The following GPHN variants were observed in gnomAD, a reference collection of about 807,000 sequenced individuals.
The protein encoded by GPHN is gephyrin.
In GPHN, 17 loss-of-function variants were observed where a neutral mutation model predicts 95.5. The observed-to-expected ratio is 0.18, with a 90% CI of 0.12 to 0.27. The LOEUF is 0.27. GPHN is among the 10% of genes least tolerant of loss of function. The probability of loss-of-function intolerance (pLI) is 1.00; values close to 1 mark genes in which losing one functional copy is unlikely to be tolerated. For synonymous variants in GPHN, 320 were observed against 322.5 expected (o/e 0.99, Z 0.08); for missense variants, 660 against 978.1 (o/e 0.67, Z 4.34).
chr14:67,220,904 G>A, the GPHN span, among the ~76,000 whole-genome samples: 1 of 152,142 alleles, frequency 6.6e-6, no homozygotes, highest in African/African-American at 2.4e-5. Context: ...CCCTTAAAAT[G>A]GACCACAATT....
Position 66,824,571 on chromosome 14 carries a change from G to GA in GPHN, c.294+6dup. On this transcript the variant is annotated splice_donor_region_variant and intron_variant, in intron 4 of 22. Coordinates refer to ENST00000478722, the MANE Select transcript of GPHN (RefSeq NM_020806.5). Reference sequence around the variant, plus strand: ...CCACGAGATGTCACTCCAGAGGTGAGATAGTACATGCCTTTTCATATTCAA... The same window carrying GA: ...CCACGAGATGTCACTCCAGAGGTGAGAATAGTACATGCCTTTTCATATTCAA... 1 of 1,283,376 alleles carries GA rather than the reference G, an allele frequency of 7.8e-7. No homozygotes were observed. Among genetic ancestry groups the GA allele is most frequent in the African/African-American group, 1.5e-5 (1 of 68,748 alleles). The allele number at this position is 1,283,376 out of a possible 1,614,324, so 79.5% of individuals were successfully genotyped here.
At chr14:66,660,639 GC>G (rs1176836621) in intron 1 of GPHN, among the ~76,000 whole-genome samples, 2 of 152,038 alleles carry the variant, frequency 1.3e-5, no homozygotes, top group East Asian at 3.9e-4. Flanking sequence ...CCAGTGGGGC[GC>G]CAAGATGGCC....
chr14:67,559,644 GA>G, the GPHN span: 1 of 1,606,260 alleles, frequency 6.2e-7, no homozygotes, highest in Non-Finnish European at 8.5e-7. Context: ...AACTGTTCAA[GA>G]AAAAGCTGCA....
chr14:66,669,632 T>G (rs2066184094), intron 1 of GPHN, among the ~76,000 whole-genome samples: 2 of 152,286 alleles, frequency 1.3e-5, no homozygotes, highest in East Asian at 3.9e-4. Flanking sequence ...TTTCTTCTTT[T>G]CCAGATTGGA....
the GPHN span, among the ~76,000 whole-genome samples, chr14:67,630,247 G>A: frequency 2.0e-5 from 3 of 152,148 alleles, no homozygotes; most frequent in Non-Finnish European, 4.4e-5. Flanking sequence ...CCATGGTAAG[G>A]GTTCAAAATT....
At chr14:67,424,342 G>C in the GPHN span, among the ~76,000 whole-genome samples, 1 of 151,882 alleles carries the variant, frequency 6.6e-6, no homozygotes, top group East Asian at 1.9e-4. Context: ...AGTGTGCCAG[G>C]CACAGTGATT....
chr14:67,473,603 C>A, the GPHN span: 2 of 1,602,772 alleles, frequency 1.2e-6, no homozygotes, highest in South Asian at 2.2e-5. The surrounding 1 kb of genome is among the most constrained non-coding windows in gnomAD (Gnocchi z 6.5). Flanking sequence ...CAAAGTCGAA[C>A]TGGGAGTAGT....
intron 1 of GPHN, among the ~76,000 whole-genome samples, chr14:66,542,047 A>G (rs997973596): frequency 6.6e-6 from 1 of 152,158 alleles, no homozygotes; most frequent in Admixed American, 6.5e-5. Context: ...TTTGTTATCT[A>G]TGATTTGCAT....
chr14:67,395,514 C>A, the GPHN span: 1 of 1,614,108 alleles, frequency 6.2e-7, no homozygotes, highest in African/African-American at 1.3e-5. Context: ...GCCCAGGCAT[C>A]CCGCTCCTCT....
the GPHN span, among the ~76,000 whole-genome samples, chr14:67,376,039 G>A: frequency 6.6e-6 from 1 of 152,182 alleles, no homozygotes; most frequent in African/African-American, 2.4e-5. Flanking sequence ...AGGTGGGTAA[G>A]ATGACAGAAA....
the GPHN span, among the ~76,000 whole-genome samples, chr14:67,576,962 G>T: frequency 6.6e-6 from 1 of 152,160 alleles, no homozygotes; most frequent in East Asian, 1.9e-4. The surrounding 1 kb of genome is among the most constrained non-coding windows in gnomAD (Gnocchi z 4.0). Context: ...ACTGCTCTGA[G>T]GCTTGTTTGT....
At chr14:67,089,147 T>TTTTTTTTTTTTTTTTTTTTTG in intron 12 of GPHN, 72 bp downstream of exon 12, 1 of 491,696 alleles carries the variant, frequency 2.0e-6, no homozygotes, top group Non-Finnish European at 3.6e-6. Flanking sequence ...TTTTTTTTTT[T>TTTTTTTTTTTTTTTTTTTTTG]TTTTTTTTTT....
chr14:67,588,591 C>T, the GPHN span: 1 of 152,132 alleles, frequency 6.6e-6, no homozygotes, highest in Non-Finnish European at 1.5e-5. Context: ...CTCCTCTAGA[C>T]AGGTTGTAGA....
the GPHN span, among the ~76,000 whole-genome samples, chr14:67,414,468 G>C: frequency 6.6e-6 from 1 of 152,226 alleles, no homozygotes; most frequent in Non-Finnish European, 1.5e-5. Context: ...TAAACAGCTG[G>C]GGGAGGGGGC....
rs188545984 is a variant in GPHN, at chr14:67,016,415, A to G, written c.964-7218A>G. Among the ~76,000 whole-genome samples, 16 of 152,246 alleles carry G rather than the reference A, an allele frequency of 1.1e-4. 1 individual carries two copies. The highest frequency in any genetic ancestry group is 2.4e-4 in the African/African-American group (10 of 41,578). On this transcript the variant is annotated intron_variant, in intron 9 of 22. Transcript: ENST00000478722. ...ACTATAATTTGAAATCATTATAAAC[A>G]TAAAAAGATATTTATAACCATTGAA... is the stretch of plus-strand genomic sequence containing the variant.
intron 21 of GPHN, among the ~76,000 whole-genome samples, chr14:67,178,921 G>T (rs1357311143): frequency 1.3e-5 from 2 of 151,890 alleles, no homozygotes; most frequent in African/African-American, 4.8e-5. Flanking sequence ...TATGTAAAGT[G>T]CTGAAAGAAA....
chr14:66,975,229 A>T (rs2070131910), intron 9 of GPHN, among the ~76,000 whole-genome samples: 1 of 152,158 alleles, frequency 6.6e-6, no homozygotes, highest in Non-Finnish European at 1.5e-5. Flanking sequence ...CTTATTTTCT[A>T]GTTTTAAAAA....
chr14:67,662,614 A>G, the GPHN span: 6 of 1,314,750 alleles, frequency 4.6e-6, no homozygotes, highest in South Asian at 6.5e-5. Context: ...GCTTCGAATA[A>G]GCTTCCTATG....
At chr14:66,578,654 G>GAAAA (rs574302625) in intron 1 of GPHN, among the ~76,000 whole-genome samples, 7 of 59,668 alleles carry the variant, frequency 1.2e-4, no homozygotes, top group Admixed American at 2.0e-4. Context: ...GGGATAGAGT[G>GAAAA]AAAAAAAAAA....
Sources: gnomAD v4.1 joint callset for allele counts (sites outside exome capture counted in the v4.1 genomes callset) on GRCh38, gnomAD v4.1.1 for gene constraint, Gnocchi (gnomAD v3.1) non-coding constraint, MANE v1.5 for transcripts, NCBI Gene and HGNC (gene_info 2026-07-23, HGNC 2026-07-21) for gene names.